Variants in HLCS observed in about 807,000 individuals in gnomAD.
HLCS encodes holocarboxylase synthetase.
In HLCS, 53 loss-of-function variants were observed where a neutral mutation model predicts 75.0. The observed-to-expected ratio is 0.71, with a 90% CI of 0.57 to 0.89. HLCS has a LOEUF of 0.89. HLCS is among the 40% of genes least tolerant of loss of function. HLCS has a pLI of 0.00. For synonymous variants in HLCS, 431 were observed against 428.6 expected, an observed-to-expected ratio of 1.01 and a Z score of -0.07; for missense variants, 966 against 1,074.0, an observed-to-expected ratio of 0.90 and a Z score of 1.41.
intron 7 of HLCS, among the ~76,000 whole-genome samples, chr21:36,765,894 G>A (rs958439764): frequency 1.6e-4 from 24 of 152,130 alleles, no homozygotes; most frequent in Non-Finnish European, 2.4e-4. Context: ...TTATCTGCCC[G>A]CCTCGGCCTC....
chr21:36,808,528 A>C (rs1255667362), intron 6 of HLCS, among the ~76,000 whole-genome samples: 2 of 152,200 alleles, frequency 1.3e-5, no homozygotes, highest in African/African-American at 4.8e-5. Context: ...CAACCTCTAT[A>C]ATAAAGAACT....
In HLCS at chr21:36,936,527, G is replaced by A; in HGVS notation, c.1359C>T (p.His453=). The stretch of plus-strand genomic sequence containing the variant: ...TCCTGTCCTTGTCCTCATTCTCCAG[G>A]TGGCCCTGGAGCCTGCCGGGGCTGA... The part of the protein sequence containing the change: ...VRLSPGRLQG[H]LENEDKDRMI... Residue 453 remains histidine (H), a synonymous_variant, in exon 4 of 11, where the codon CAC becomes CAT. Transcript: ENST00000674895. The A allele has an allele frequency of 6.2e-7, 1 of 1,614,164 alleles. No homozygotes were observed.
chr21:36,944,605 T>C (rs912303457), intron 2 of HLCS, among the ~76,000 whole-genome samples: 1 of 152,224 alleles, frequency 6.6e-6, no homozygotes, highest in Non-Finnish European at 1.5e-5. Context: ...ATTTTGGTTT[T>C]GGTTTTTTAA....
At chr21:36,775,952 T>C (rs2060345129) in intron 6 of HLCS, among the ~76,000 whole-genome samples, 1 of 152,228 alleles carries the variant, frequency 6.6e-6, no homozygotes, top group African/African-American at 2.4e-5. Flanking sequence ...CATTTTAGGT[T>C]CGTGATCTCA....
chr21:36,791,254 A>T (rs962006491), intron 6 of HLCS, among the ~76,000 whole-genome samples: 2 of 152,140 alleles, frequency 1.3e-5, no homozygotes, highest in Non-Finnish European at 2.9e-5. Flanking sequence ...GGGCAACAAC[A>T]TGCAGACCCC....
At chr21:36,919,020 G>A (rs1388377029) in intron 5 of HLCS, among the ~76,000 whole-genome samples, 1 of 152,198 alleles carries the variant, frequency 6.6e-6, no homozygotes, top group African/African-American at 2.4e-5. Context: ...TATGACGGTG[G>A]AATTGTGATT....
At chr21:36,922,681 G>A (rs1047814309) in intron 5 of HLCS, among the ~76,000 whole-genome samples, 2 of 152,100 alleles carry the variant, frequency 1.3e-5, no homozygotes, top group East Asian at 3.9e-4. Context: ...GCCCAGCATC[G>A]GCCGAGCTCC....
intron 5 of HLCS, among the ~76,000 whole-genome samples, chr21:36,906,932 C>G (rs1006830408): frequency 2.0e-5 from 3 of 152,178 alleles, no homozygotes; most frequent in Non-Finnish European, 4.4e-5. Context: ...TTTTTTGAGA[C>G]AGCGTCTTGC....
chr21:36,810,922 T>C (rs2061492326), intron 6 of HLCS, among the ~76,000 whole-genome samples: 1 of 152,156 alleles, frequency 6.6e-6, no homozygotes, highest in Admixed American at 6.5e-5. Flanking sequence ...AAATCTGGGA[T>C]AATTTGAGCA....
At chr21:36,754,690 G>A (rs982085984) in intron 10 of HLCS, among the ~76,000 whole-genome samples, 4 of 152,168 alleles carry the variant, frequency 2.6e-5, no homozygotes, top group African/African-American at 7.2e-5. Flanking sequence ...GGTCATCTGC[G>A]GTGATGGCTG....
At position 36,885,286 on chromosome 21, in the gene HLCS, C is replaced by T. The variant is rs191088811; in HGVS notation, c.1892+11574G>A. 7.2e-5 allele frequency among the ~76,000 whole-genome samples: 11 copies of T among 152,236 alleles called. No individual in the cohort carries two copies. In the East Asian group the frequency reaches 1.9e-3, roughly 27 times the overall value. On this transcript the variant is annotated intron_variant, in intron 6 of 10. Transcript: ENST00000674895. ...CTTTGGGAGGCCAAGGTGGGAGGAT[C>T]GCTTAAATTCAACAGTTCAAGGCCA...
chr21:36,764,412 A>G (rs920117330), intron 8 of HLCS, among the ~76,000 whole-genome samples: 6 of 151,752 alleles, frequency 4.0e-5, no homozygotes, highest in Non-Finnish European at 7.4e-5. Flanking sequence ...ATAAATACAT[A>G]AGTAAACATG....
chr21:36,897,806 T>C (rs891979287), intron 5 of HLCS, among the ~76,000 whole-genome samples: 3 of 152,186 alleles, frequency 2.0e-5, no homozygotes, highest in African/African-American at 7.2e-5. Context: ...CTCTCTACTC[T>C]ATCCCCAAAA....
intron 6 of HLCS, among the ~76,000 whole-genome samples, chr21:36,810,938 A>G (rs2061492759): frequency 6.6e-6 from 1 of 152,208 alleles, no homozygotes; most frequent in African/African-American, 2.4e-5. Flanking sequence ...GAGCAAAGAG[A>G]ATAAGGATCA....
At chr21:36,796,560 G>A (rs116501049) in intron 6 of HLCS, among the ~76,000 whole-genome samples, 316 of 152,254 alleles carry the variant, frequency 2.1e-3, no homozygotes, top group African/African-American at 7.1e-3. Flanking sequence ...ACCAGGACTC[G>A]GATAATCCAG....
At chr21:36,847,366 T>C (rs1405746719) in intron 6 of HLCS, among the ~76,000 whole-genome samples, 2 of 152,208 alleles carry the variant, frequency 1.3e-5, no homozygotes, top group African/African-American at 4.8e-5. Context: ...ATCTGAGTTC[T>C]AGCACAGACT....
At chr21:36,874,273 G>A (rs2063875068) in intron 6 of HLCS, among the ~76,000 whole-genome samples, 1 of 152,014 alleles carries the variant, frequency 6.6e-6, no homozygotes, top group Non-Finnish European at 1.5e-5. Context: ...GTTGTGGTGG[G>A]CGCCTGTAGT....
At chr21:36,930,501 T>C (rs35066001) in intron 4 of HLCS, 68 bp from the exon 5 acceptor site, 51,567 of 1,328,276 alleles carry the variant, frequency 0.039, 1,397 homozygotes, top group East Asian at 0.14. Context: ...CAGTTTCTTT[T>C]TTCTTTTTCT....
intron 2 of HLCS, among the ~76,000 whole-genome samples, chr21:36,957,227 T>C (rs941250596): frequency 6.6e-6 from 1 of 152,130 alleles, no homozygotes; most frequent in Non-Finnish European, 1.5e-5. Context: ...GTCCTCCCTA[T>C]AGTGAGTGAG....
Sources: gnomAD v4.1 joint callset for allele counts (sites outside exome capture counted in the v4.1 genomes callset) on GRCh38, gnomAD v4.1.1 for gene constraint, MANE v1.5 for transcripts, NCBI Gene and HGNC (gene_info 2026-07-23, HGNC 2026-07-21) for gene names.